The following NSUN5 variants were observed in gnomAD, a reference collection of about 807,000 sequenced individuals.
NSUN5 encodes 28S rRNA (cytosine-C(5))-methyltransferase.
NSUN5 carries 39 observed loss-of-function variants against 51.1 expected under a neutral mutation model. The observed-to-expected ratio is 0.76, with a 90% CI of 0.59 to 1.00. The LOEUF is 1.00. Ranked by LOEUF, NSUN5 falls within the 50% of genes least tolerant of loss-of-function variation. The probability of loss-of-function intolerance (pLI) is 0.00; values close to 1 mark genes in which losing one functional copy is unlikely to be tolerated. For missense variants in NSUN5, 526 were observed against 614.0 expected (o/e 0.86, Z 1.51); for synonymous variants, 266 against 271.5 (o/e 0.98, Z 0.20).
chr7:73,306,423 G>T (rs1340885216), intron 4 of NSUN5, among the ~76,000 whole-genome samples: 2 of 138,926 alleles, frequency 1.4e-5, no homozygotes, highest in Non-Finnish European at 3.0e-5. Flanking sequence ...AAGCTTAGCA[G>T]AGGAGTAACA....
chr7:73,307,258 A>T (rs1804075899), intron 4 of NSUN5, 136 bp downstream of exon 4: 2 of 648,976 alleles, frequency 3.1e-6, no homozygotes, highest in South Asian at 3.8e-5. Flanking sequence ...CAGGAAGACA[A>T]ACCTTGGAGA....
At chr7:73,308,348 G>A (rs782196523) in intron 2 of NSUN5, 83 bp downstream of exon 2, 56 of 1,485,928 alleles carry the variant, frequency 3.8e-5, no homozygotes, top group Non-Finnish European at 4.9e-5. Context: ...CTCCAGTCCC[G>A]CCGTGCACGG....
intron 6 of NSUN5, 89 bp from the exon 7 acceptor site, chr7:73,304,497 C>G: frequency 7.7e-7 from 1 of 1,305,414 alleles, no homozygotes; most frequent in Non-Finnish European, 1.1e-6. Context: ...AGCCAGGACA[C>G]ACAATATTGA....
Position 73,303,328 on chromosome 7 carries a change from G to A in NSUN5, c.*87C>T, listed in dbSNP as rs1434210045. On this transcript the variant is annotated 3_prime_UTR_variant, in exon 10 of 10. Transcript: ENST00000438747. Reference sequence around the variant, plus strand: ...CCAATAACCTTTCAAAACCCAAACTGCTTCCTGCGGTGAGGGCCCAGGGTC... The same window carrying A: ...CCAATAACCTTTCAAAACCCAAACTACTTCCTGCGGTGAGGGCCCAGGGTC... The A allele has an allele frequency of 1.2e-6, 2 of 1,613,878 alleles. No homozygotes were observed. Among genetic ancestry groups the A allele is most frequent in the Non-Finnish European group, 1.7e-6 (2 of 1,179,876 alleles).
Position 73,303,225 on chromosome 7 carries a change from A to G in NSUN5, c.*190T>C. On this transcript the variant is annotated 3_prime_UTR_variant, in exon 10 of 10. Coordinates refer to ENST00000438747, the MANE Select transcript of NSUN5 (RefSeq NM_148956.4). ...CATTAAGAATAAAAAACTGTGATCT[A>G]TCGTAGAGTACGTTCTGCATTTTAT... 1.3e-6 allele frequency: 2 copies of G among 1,556,802 alleles called. No homozygotes were observed. Among genetic ancestry groups the G allele is most frequent in the Non-Finnish European group, 8.7e-7 (1 of 1,152,026 alleles).
At position 73,304,222 on chromosome 7, in the gene NSUN5, C is replaced by T. The variant is rs1554541414; in HGVS notation, c.934+8G>A. The T allele has an allele frequency of 6.2e-7, 1 of 1,601,906 alleles. No homozygotes were observed. Reference sequence around the variant, plus strand: ...GAGTCCCTCGGCCACGCTTTCTCGCCATCTCACCCGAGCCACTGCAGGAAG... The same window carrying T: ...GAGTCCCTCGGCCACGCTTTCTCGCTATCTCACCCGAGCCACTGCAGGAAG... On this transcript the variant is annotated splice_region_variant and intron_variant, in intron 7 of 9. Coordinates refer to ENST00000438747, the MANE Select transcript of NSUN5 (RefSeq NM_148956.4).
At position 73,308,736 on chromosome 7, in the gene NSUN5, C is replaced by G; in HGVS notation, c.55G>C (p.Gly19Arg). The G allele has an allele frequency of 1.2e-6, 2 of 1,612,642 alleles. No homozygotes were observed. Among genetic ancestry groups the G allele is most frequent in the Non-Finnish European group, 1.7e-6 (2 of 1,179,812 alleles). Residue 19 changes from glycine (G) to arginine (R), a missense_variant, in exon 1 of 10, where the codon GGC (glycine) becomes CGC (arginine). Coordinates refer to ENST00000438747, the MANE Select transcript of NSUN5 (RefSeq NM_148956.4). ...GAGTACACCAACCCCTTGATAGAGCCCTGGCGGCTCTCCACGCCGGCCAAC... is the reference window on the plus strand; with the variant it reads ...GAGTACACCAACCCCTTGATAGAGCGCTGGCGGCTCTCCACGCCGGCCAAC... ...GVLAGVESRQ[G>R]SIKGLVYSSN...
rs1803860233 is a variant in NSUN5 at position 73,302,890 on chromosome 7, G to A, written c.*525C>T. 12 of 1,035,538 alleles carry A rather than the reference G, an allele frequency of 1.2e-5. No individual in the cohort carries two copies. The highest frequency in any genetic ancestry group is 3.6e-5 in the South Asian group (1 of 27,576). The allele number at this position is 1,035,538 out of a possible 1,614,324, so 64.1% of individuals were successfully genotyped here. A position where few individuals can be genotyped will look rare whatever the true frequency, so the allele number is the denominator to read the frequency against. On this transcript the variant is annotated 3_prime_UTR_variant, in exon 10 of 10. Coordinates refer to ENST00000438747, the MANE Select transcript of NSUN5 (RefSeq NM_148956.4). ...GGCTGCGTGTGCAGCTGAGGAGGGA[G>A]TGAACCTCAAGCCTAAATACCTGTT...
intron 6 of NSUN5, 92 bp from the exon 7 acceptor site, chr7:73,304,500 A>G: frequency 7.8e-7 from 1 of 1,285,118 alleles, no homozygotes; most frequent in Non-Finnish European, 1.1e-6. Context: ...CAGGACACAC[A>G]ATATTGAAAC....
chr7:73,307,843 G>T, intron 2 of NSUN5, 86 bp from the exon 3 acceptor site: 1 of 1,206,264 alleles, frequency 8.3e-7, no homozygotes, highest in Non-Finnish European at 1.2e-6. Flanking sequence ...TGGAGCCCCG[G>T]CAATGGAATG....
intron 2 of NSUN5, 42 bp downstream of exon 2, chr7:73,308,389 T>C (rs1554542253): frequency 6.4e-7 from 1 of 1,555,292 alleles, no homozygotes. Context: ...GACAAAGCGC[T>C]GACCGTCGGG....
rs782610569 is a variant in NSUN5 at position 73,308,750 on chromosome 7, A to G, written c.41T>C (p.Val14Ala). Residue 14 changes from valine (V) to alanine (A), a missense_variant, in exon 1 of 10, where the codon GTG becomes GCG. By Grantham distance (64) the Val-to-Ala change is moderately conservative. Transcript: ENST00000438747. ...YAAAAGVLAG[V>A]ESRQGSIKGL... ...CTTGATAGAGCCCTGGCGGCTCTCCACGCCGGCCAACACGCCTGCAGCTGC... is the reference window on the plus strand; with the variant it reads ...CTTGATAGAGCCCTGGCGGCTCTCCGCGCCGGCCAACACGCCTGCAGCTGC... 6.2e-7 allele frequency: 1 copy of G among 1,612,314 alleles called. No individual in the cohort carries two copies. Among genetic ancestry groups the G allele is most frequent in the East Asian group, 2.2e-5 (1 of 44,818 alleles).
chr7:73,307,765 T>G lies in NSUN5; in HGVS notation c.217-8A>C. 2 of 1,539,286 alleles carry G rather than the reference T, an allele frequency of 1.3e-6. No individual in the cohort carries two copies. Among genetic ancestry groups the G allele is most frequent in the Non-Finnish European group, 1.8e-6 (2 of 1,139,792 alleles). On this transcript the variant is annotated splice_polypyrimidine_tract_variant and splice_region_variant and intron_variant, in intron 2 of 9. Coordinates refer to ENST00000438747, the MANE Select transcript of NSUN5 (RefSeq NM_148956.4). ...CAACTCATACACTAGCACCTGGGAA[T>G]GAGGGAACAAAGACAAAAACAAAAA...
Position 73,303,150 on chromosome 7 carries a change from G to A in NSUN5, c.*265C>T. ...CAAATAGAGACTTCATTCCTGTTGA[G>A]TCTAGTTGGAACTTTTAGTATGAAT... is the stretch of plus-strand genomic sequence containing the variant. On this transcript the variant is annotated 3_prime_UTR_variant, in exon 10 of 10. Coordinates refer to ENST00000438747, the MANE Select transcript of NSUN5 (RefSeq NM_148956.4). The A allele has an allele frequency of 6.9e-7, 1 of 1,445,174 alleles. No homozygotes were observed. The highest frequency in any genetic ancestry group is 1.5e-5 in the South Asian group (1 of 66,836). The allele number at this position is 1,445,174 out of a possible 1,614,324, so 89.5% of individuals were successfully genotyped here.
chr7:73,307,644 C>T lies in NSUN5; in HGVS notation c.330G>A (p.Lys110=), dbSNP rs372678613. The change falls in exon 3 of 10, where the codon AAG becomes AAA. Residue 110 remains lysine (K), a synonymous_variant. Coordinates refer to ENST00000438747, the MANE Select transcript of NSUN5 (RefSeq NM_148956.4). ...ARLKAELARL[K]VHRGVSRNED... ...CATTCCGGCTCACACCCCGATGAAC[C>T]TTGAGCCGAGCCAACTCAGCCTTGA... is the stretch of plus-strand genomic sequence containing the variant. 39 of 1,612,990 alleles carry T rather than the reference C, an allele frequency of 2.4e-5. No homozygotes were observed. The highest frequency in any genetic ancestry group is 1.7e-4 in the Middle Eastern group (1 of 6,034).
chr7:73,304,506 G>C, intron 6 of NSUN5, 98 bp from the exon 7 acceptor site: 1 of 1,227,008 alleles, frequency 8.1e-7, no homozygotes, highest in South Asian at 1.4e-5. Context: ...ACACAATATT[G>C]AAACGGCCTA....
intron 7 of NSUN5, 46 bp from the exon 8 acceptor site, chr7:73,304,082 A>G (rs782289400): frequency 6.3e-7 from 1 of 1,599,702 alleles, no homozygotes; most frequent in Non-Finnish European, 8.6e-7. Context: ...AGGCTACCTC[A>G]GTCCTGAAAT....
At position 73,303,897 on chromosome 7, in the gene NSUN5, C is replaced by G. The variant is rs781968973; in HGVS notation, c.1074G>C (p.Thr358=). The G allele has an allele frequency of 1.9e-6, 3 of 1,613,714 alleles. No individual in the cohort carries two copies. The Admixed American group carries it at 5.0e-5, about 27-fold the overall frequency. Reference sequence around the variant, plus strand: ...CATTCTCCTCCTGGCAGAGGGAGCACGTGGAGTAGACGAGCCGCTGCAGGG... The same window carrying G: ...CATTCTCCTCCTGGCAGAGGGAGCAGGTGGAGTAGACGAGCCGCTGCAGGG... ...FPSLQRLVYS[T]CSLCQEENED... The change falls in exon 8 of 10, where the codon ACG becomes ACC. Residue 358 remains threonine (T), a synonymous_variant. Transcript: ENST00000438747.
At chr7:73,308,371 G>A (rs1239678723) in intron 2 of NSUN5, 60 bp downstream of exon 2, 24 of 1,539,078 alleles carry the variant, frequency 1.6e-5, no homozygotes, top group Non-Finnish European at 2.0e-5. Context: ...GCAGAGCTGA[G>A]ACCAGATGAC....
Sources: allele counts gnomAD v4.1 joint callset (sites outside exome capture counted in the v4.1 genomes callset), GRCh38; gene constraint gnomAD v4.1.1; transcripts MANE v1.5; gene names NCBI Gene and HGNC (gene_info 2026-07-23, HGNC 2026-07-21).